Variants in FRAS1 observed in about 807,000 individuals in gnomAD.
The protein encoded by FRAS1 is Fraser extracellular matrix complex subunit 1, also known as extracellular matrix organizing protein FRAS1.
Under a neutral mutation model 435.2 loss-of-function variants are expected in FRAS1, and 290 were observed. That is an observed-to-expected ratio of 0.67 (90% CI 0.61 to 0.73). The LOEUF is 0.73. FRAS1 is among the 30% of genes least tolerant of loss of function. The pLI is 0.00. For synonymous variants in FRAS1, 1,800 were observed against 1,851.0 expected (o/e 0.97, Z 0.71); for missense variants, 4,860 against 5,001.5 (o/e 0.97, Z 0.85).
chr4:78,312,490 G>A (rs1235609697), intron 15 of FRAS1, among the ~76,000 whole-genome samples: 2 of 151,670 alleles, frequency 1.3e-5, no homozygotes, highest in Admixed American at 6.6e-5. Flanking sequence ...AGTTGACTTA[G>A]CTATTCATAA....
At chr4:78,449,377 C>G (rs1159179441) in intron 44 of FRAS1, among the ~76,000 whole-genome samples, 1 of 152,156 alleles carries the variant, frequency 6.6e-6, no homozygotes, top group South Asian at 2.1e-4. Context: ...CCTCATCCCT[C>G]AAGGTTGCTC....
At chr4:78,297,261 T>C (rs1199564266) in intron 14 of FRAS1, among the ~76,000 whole-genome samples, 2 of 152,200 alleles carry the variant, frequency 1.3e-5, no homozygotes. Context: ...CACTGATGAA[T>C]CTCAGAGGAA....
intron 2 of FRAS1, among the ~76,000 whole-genome samples, chr4:78,199,374 T>A (rs1722954665): frequency 6.6e-6 from 1 of 152,232 alleles, no homozygotes; most frequent in Non-Finnish European, 1.5e-5. Flanking sequence ...TGATTACCTC[T>A]GTGGGCTGCT....
At chr4:78,476,268 T>C (rs937699601) in intron 54 of FRAS1, among the ~76,000 whole-genome samples, 2 of 151,956 alleles carry the variant, frequency 1.3e-5, no homozygotes, top group Non-Finnish European at 2.9e-5. Context: ...GGGCAGGCAG[T>C]GCAGAGAGGA....
intron 2 of FRAS1, among the ~76,000 whole-genome samples, chr4:78,076,603 C>T (rs934112658): frequency 6.6e-6 from 1 of 152,130 alleles, no homozygotes; most frequent in Non-Finnish European, 1.5e-5. Flanking sequence ...ATTTTATCAG[C>T]TGTATCAATT....
At chr4:78,438,472 A>C (rs1734514879) in intron 38 of FRAS1, 98 bp from the exon 39 acceptor site, 1 of 1,168,162 alleles carries the variant, frequency 8.6e-7, no homozygotes, top group South Asian at 1.4e-5. Flanking sequence ...AGACTTTTCC[A>C]ATTAGCAGAG....
chr4:78,085,800 A>G (rs1332006917), intron 2 of FRAS1, among the ~76,000 whole-genome samples: 1 of 152,142 alleles, frequency 6.6e-6, no homozygotes. Flanking sequence ...ATACAAAGAG[A>G]CTTAGACTCC....
intron 2 of FRAS1, among the ~76,000 whole-genome samples, chr4:78,069,771 C>T (rs901195532): frequency 1.5e-5 from 2 of 133,738 alleles, no homozygotes; most frequent in East Asian, 4.4e-4. Flanking sequence ...TAATACTCAA[C>T]AAACCCAGGA....
At chr4:78,332,999 G>A (rs1730007168) in intron 18 of FRAS1, among the ~76,000 whole-genome samples, 1 of 152,194 alleles carries the variant, frequency 6.6e-6, no homozygotes, top group South Asian at 2.1e-4. Context: ...CTCTGAGAAT[G>A]GGAACTTGGG....
chr4:78,175,618 AT>A (rs937733002), intron 2 of FRAS1, among the ~76,000 whole-genome samples: 1 of 152,212 alleles, frequency 6.6e-6, no homozygotes, highest in African/African-American at 2.4e-5. Flanking sequence ...GCCAATATTA[AT>A]TCTACATCTG....
chr4:78,143,518 A>G (rs1294124871), intron 2 of FRAS1, among the ~76,000 whole-genome samples: 2 of 152,204 alleles, frequency 1.3e-5, no homozygotes, highest in Non-Finnish European at 2.9e-5. Flanking sequence ...TGACAACTGC[A>G]AAACACACAT....
chr4:78,305,753 T>G (rs1469188270), intron 14 of FRAS1, among the ~76,000 whole-genome samples: 1 of 152,060 alleles, frequency 6.6e-6, no homozygotes, highest in Admixed American at 6.6e-5. Flanking sequence ...AGCCTATGTG[T>G]GTCTCTGCAC....
intron 2 of FRAS1, among the ~76,000 whole-genome samples, chr4:78,092,954 A>G (rs954225692): frequency 6.6e-6 from 1 of 152,238 alleles, no homozygotes; most frequent in Non-Finnish European, 1.5e-5. Flanking sequence ...AAGATACTTT[A>G]TTATGAGTGA....
At chr4:78,197,379 A>G (rs1996389) in intron 2 of FRAS1, among the ~76,000 whole-genome samples, 101,695 of 152,108 alleles carry the variant, frequency 0.67, 34,205 homozygotes, top group East Asian at 0.69. Flanking sequence ...ATTCATGTAA[A>G]TGACTGGCAT....
chr4:78,361,825 G>A (rs140358552), intron 20 of FRAS1, among the ~76,000 whole-genome samples: 1 of 152,168 alleles, frequency 6.6e-6, no homozygotes, highest in Admixed American at 6.5e-5. Flanking sequence ...TCCTACAGGG[G>A]AAGGTGGGAA....
At position 78,464,469 on chromosome 4, in the gene FRAS1, T is replaced by C; in HGVS notation, c.6915T>C (p.Leu2305=). ...TGACTCAGACTTTCCATATCACTCT[T>C]CACCCTGTCGATGATTCGCTGCCCG... ...SEVTQTFHIT[L]HPVDDSLPVV... The change falls in exon 49 of 74, where the codon CTT becomes CTC. Residue 2305 remains leucine (L), a synonymous_variant. Transcript: ENST00000512123. The C allele has an allele frequency of 6.2e-7, 1 of 1,614,012 alleles. No individual in the cohort carries two copies. Among genetic ancestry groups the C allele is most frequent in the Admixed American group, 1.7e-5 (1 of 60,024 alleles).
intron 14 of FRAS1, 80 bp downstream of exon 14, chr4:78,286,619 A>G: frequency 1.4e-6 from 2 of 1,478,684 alleles, no homozygotes; most frequent in Non-Finnish European, 1.8e-6. Context: ...ATCTGGGGAC[A>G]CCAGGAGCTG....
chr4:78,257,334 T>C (rs1026671553), intron 6 of FRAS1, among the ~76,000 whole-genome samples: 3 of 152,088 alleles, frequency 2.0e-5, no homozygotes, highest in Non-Finnish European at 4.4e-5. Context: ...TAATGGCCAT[T>C]ACCAAGGCCA....
At chr4:78,305,604 T>C (rs1280623426) in intron 14 of FRAS1, among the ~76,000 whole-genome samples, 3 of 138,422 alleles carry the variant, frequency 2.2e-5, no homozygotes, top group East Asian at 4.1e-4. Flanking sequence ...TTGATCCCTT[T>C]ACCATTATGT....
Sources: gnomAD v4.1 joint callset for allele counts (sites outside exome capture counted in the v4.1 genomes callset) on GRCh38, gnomAD v4.1.1 for gene constraint, MANE v1.5 for transcripts, NCBI Gene and HGNC (gene_info 2026-07-23, HGNC 2026-07-21) for gene names.